The following DENND2B variants were observed in gnomAD, a reference collection of about 807,000 sequenced individuals.
DENND2B encodes the protein DENN domain containing 2B.
DENND2B carries 32 observed loss-of-function variants against 116.0 expected under a neutral mutation model. The observed-to-expected ratio is 0.28, with a 90% confidence interval of 0.21 to 0.37. The LOEUF (loss-of-function observed/expected upper bound fraction) is 0.37. DENND2B is among the 10% of genes least tolerant of loss of function. The probability of loss-of-function intolerance (pLI) is 1.00; values close to 1 mark genes in which losing one functional copy is unlikely to be tolerated. For synonymous variants in DENND2B, 588 were observed against 583.9 expected (o/e 1.01, Z -0.10); for missense variants, 1,276 against 1,477.7 (o/e 0.86, Z 2.24).
intron 16 of DENND2B, among the ~76,000 whole-genome samples, chr11:8,698,165 AAG>A (rs1491564591): frequency 6.9e-6 from 1 of 144,512 alleles, no homozygotes; most frequent in Non-Finnish European, 1.5e-5. Flanking sequence ...AAAAAAAAAA[AAG>A]GGGGTAGAGC....
upstream of DENND2B, among the ~76,000 whole-genome samples, chr11:8,876,306 T>C (rs368008891): frequency 6.6e-6 from 1 of 152,142 alleles, no homozygotes; most frequent in East Asian, 1.9e-4. Context: ...GAGGTTTTAA[T>C]ATAAAATTAA....
chr11:8,906,205 C>CTTTTTTTTTTTTTTTT (rs34217164), intron 1 of DENND2B, among the ~76,000 whole-genome samples: 1 of 93,300 alleles, frequency 1.1e-5, no homozygotes. Context: ...TCTTTTTTTT[C>CTTTTTTTTTTTTTTTT]TTTTTTTTTT....
intron 2 of DENND2B, among the ~76,000 whole-genome samples, chr11:8,868,031 T>C (rs886130847): frequency 3.9e-5 from 6 of 152,102 alleles, no homozygotes; most frequent in African/African-American, 1.2e-4. Flanking sequence ...ACCAAAGCAT[T>C]GCGAAACATG....
intron 4 of DENND2B, among the ~76,000 whole-genome samples, chr11:8,830,256 C>T (rs758010618): frequency 3.3e-5 from 5 of 152,186 alleles, no homozygotes; most frequent in Non-Finnish European, 7.3e-5. Flanking sequence ...AGATCATCGC[C>T]GTGACACTGG....
chr11:8,718,071 T>C, intron 4 of DENND2B, 179 bp from the exon 5 acceptor site: 1 of 581,032 alleles, frequency 1.7e-6, no homozygotes, highest in South Asian at 2.0e-5. Flanking sequence ...AAACAGATCC[T>C]GGCTCCAAGT....
chr11:8,792,057 T>C (rs2059429125), intron 1 of DENND2B, among the ~76,000 whole-genome samples: 1 of 151,784 alleles, frequency 6.6e-6, no homozygotes, highest in African/African-American at 2.4e-5. Context: ...ATACAAAAAT[T>C]AGCTGGGCAT....
chr11:8,796,524 G>C (rs577816256), intron 1 of DENND2B, among the ~76,000 whole-genome samples: 2 of 152,296 alleles, frequency 1.3e-5, no homozygotes, highest in African/African-American at 4.8e-5. Context: ...GGGTGACAGA[G>C]AATCCATCTC....
intron 3 of DENND2B, among the ~76,000 whole-genome samples, chr11:8,843,205 C>T (rs1488824916): frequency 1.3e-5 from 2 of 152,020 alleles, no homozygotes; most frequent in Non-Finnish European, 2.9e-5. Context: ...TTTGTAGAGA[C>T]GGGGTTTCAC....
chr11:8,699,554 G>A (rs754838043), intron 14 of DENND2B, among the ~76,000 whole-genome samples, 164 bp from the exon 15 acceptor site: 7 of 152,298 alleles, frequency 4.6e-5, no homozygotes, highest in Non-Finnish European at 5.9e-5. Flanking sequence ...TTCCCACTGC[G>A]TAGCGCCTCA....
chr11:8,761,921 G>A (rs1004227591), intron 1 of DENND2B, among the ~76,000 whole-genome samples: 2 of 152,176 alleles, frequency 1.3e-5, no homozygotes, highest in African/African-American at 4.8e-5. Context: ...ACAAAGAACA[G>A]TGGGTACTCA....
chr11:8,878,441 G>A (rs1472297160), intron 2 of DENND2B, among the ~76,000 whole-genome samples: 1 of 151,452 alleles, frequency 6.6e-6, no homozygotes, highest in Non-Finnish European at 1.5e-5. Context: ...CCAGGCTGGA[G>A]TGCAATGGCG....
chr11:8,734,715 G>T lies in DENND2B; in HGVS notation c.81-3506C>A, dbSNP rs1592909247. 8.0e-5 allele frequency among the ~76,000 whole-genome samples: 12 copies of T among 150,890 alleles called. No individual in the cohort carries two copies. In the South Asian group the frequency reaches 2.5e-3, roughly 32 times the overall value. ...GAGGCAGGAGAATCACTTGAACCCAGGAGGCGGAGGTTGCAGTGAGCCGAG... is the reference window on the plus strand; with the variant it reads ...GAGGCAGGAGAATCACTTGAACCCATGAGGCGGAGGTTGCAGTGAGCCGAG... On this transcript the variant is annotated intron_variant, in intron 2 of 19. Transcript: ENST00000313726.
chr11:8,722,189 C>T (rs957029215), intron 4 of DENND2B, among the ~76,000 whole-genome samples: 1 of 152,252 alleles, frequency 6.6e-6, no homozygotes, highest in Admixed American at 6.5e-5. Flanking sequence ...ACCCCAGCTC[C>T]TCAGGCATCA....
At chr11:8,838,704 C>G (rs868383253) in intron 4 of DENND2B, among the ~76,000 whole-genome samples, 3 of 152,164 alleles carry the variant, frequency 2.0e-5, no homozygotes, top group African/African-American at 7.2e-5. Context: ...CAAAGGAATC[C>G]GAGTTTTAAA....
rs2045269628 is a variant in DENND2B at position 8,718,007 on chromosome 11, C to T, written c.1478-115G>A. The T allele has an allele frequency of 2.4e-6, 3 of 1,241,354 alleles. No individual in the cohort carries two copies. In the South Asian group the frequency reaches 4.1e-5, roughly 17 times the overall value. 76.9% of individuals were successfully genotyped at this position (1,241,354 alleles called of 1,614,324 possible). A position where few individuals can be genotyped will look rare whatever the true frequency, so the allele number is the denominator to read the frequency against. Reference sequence around the variant, plus strand: ...GTGAACCAAAGAGAATGGCTTCTGCCTGGCCCCTCAGCTCATGAGTCATGC... The same window carrying T: ...GTGAACCAAAGAGAATGGCTTCTGCTTGGCCCCTCAGCTCATGAGTCATGC... On this transcript the variant is annotated intron_variant, in intron 4 of 19. Coordinates refer to ENST00000313726, the MANE Select transcript of DENND2B (RefSeq NM_213618.2).
chr11:8,828,696 G>C (rs2062074061), intron 4 of DENND2B, among the ~76,000 whole-genome samples: 1 of 152,138 alleles, frequency 6.6e-6, no homozygotes, highest in South Asian at 2.1e-4. Context: ...AAGGACTCCA[G>C]CTTCTGACCC....
rs148310080 is a variant in DENND2B at position 8,860,985 on chromosome 11, G to A, written c.-249-3549C>T. Among the ~76,000 whole-genome samples, 840 of 152,174 alleles carry A rather than the reference G, an allele frequency of 5.5e-3. 4 individuals are homozygous for A. Among genetic ancestry groups the A allele is most frequent in the African/African-American group, 0.017 (693 of 41,522 alleles). ...TGCTGGGAAAACTGGCTAGCCACAC[G>A]CAGAAGAATGAAACTGGATCCCTAT... On this transcript the variant is annotated intron_variant, in intron 2 of 6. Transcript: ENST00000524757.
intron 1 of DENND2B, among the ~76,000 whole-genome samples, chr11:8,802,386 G>C (rs1474710122): frequency 2.0e-5 from 3 of 152,094 alleles, no homozygotes; most frequent in Non-Finnish European, 2.9e-5. Context: ...TCAGCAAGGA[G>C]GCAGGAAGTA....
At chr11:8,814,180 A>G (rs2061489062), upstream of DENND2B, among the ~76,000 whole-genome samples, 1 of 149,762 alleles carries the variant, frequency 6.7e-6, no homozygotes, top group African/African-American at 2.5e-5. Context: ...GATGCTACCC[A>G]TCTCTCACCT....
Sources: allele counts gnomAD v4.1 joint callset (sites outside exome capture counted in the v4.1 genomes callset), GRCh38; gene constraint gnomAD v4.1.1; transcripts MANE v1.5; gene names NCBI Gene and HGNC (gene_info 2026-07-23, HGNC 2026-07-21).